PPM1E: variants seen among roughly 807,000 people sequenced by gnomAD.
The protein encoded by PPM1E is protein phosphatase, Mg2+/Mn2+ dependent 1E, also known as protein phosphatase 1E.
In PPM1E, 20 loss-of-function variants were observed where a neutral mutation model predicts 65.9. That is an observed-to-expected ratio of 0.30 (90% CI 0.21 to 0.44). PPM1E has a LOEUF of 0.44. Among genes scored for constraint, PPM1E ranks in the 20% least tolerant of loss-of-function variants. The pLI is 1.00. For synonymous variants in PPM1E, 352 were observed against 374.9 expected (o/e 0.94, Z 0.70); for missense variants, 713 against 953.1 (o/e 0.75, Z 3.32).
chr17:58,976,207 G>A (rs1362086001), intron 6 of PPM1E, among the ~76,000 whole-genome samples: 1 of 152,152 alleles, frequency 6.6e-6, no homozygotes. Context: ...GAGCAGCACA[G>A]GCTCACTGTT....
intron 1 of PPM1E, among the ~76,000 whole-genome samples, chr17:58,813,964 G>A (rs2050393041): frequency 6.6e-6 from 1 of 152,040 alleles, no homozygotes; most frequent in Admixed American, 6.6e-5. Flanking sequence ...TGTGGGAGAG[G>A]GTGGTTGAGG....
chr17:58,846,239 C>T (rs1277968332), intron 1 of PPM1E, among the ~76,000 whole-genome samples: 8 of 151,960 alleles, frequency 5.3e-5, no homozygotes, highest in Admixed American at 5.3e-4. Context: ...AACCGTTTTC[C>T]ACAGTGGTTG....
intron 1 of PPM1E, among the ~76,000 whole-genome samples, chr17:58,765,527 G>A (rs969897945): frequency 1.3e-5 from 2 of 152,000 alleles, no homozygotes; most frequent in Admixed American, 6.6e-5. Context: ...TGAGAATATT[G>A]TGAACAATGA....
intron 1 of PPM1E, among the ~76,000 whole-genome samples, chr17:58,796,887 C>A (rs1349473284): frequency 6.6e-6 from 1 of 152,128 alleles, no homozygotes; most frequent in Non-Finnish European, 1.5e-5. Context: ...GGGTGGATCA[C>A]CTGAGGTCAG....
intron 1 of PPM1E, among the ~76,000 whole-genome samples, chr17:58,837,631 G>A (rs921280680): frequency 6.6e-6 from 1 of 151,698 alleles, no homozygotes; most frequent in African/African-American, 2.4e-5. Flanking sequence ...CTGAGTAGCT[G>A]GGATTACAGG....
intron 1 of PPM1E, among the ~76,000 whole-genome samples, chr17:58,934,975 G>A (rs1263962225): frequency 6.6e-6 from 1 of 150,922 alleles, no homozygotes. Context: ...AGACTGGGCC[G>A]GGCGCGGTGG....
chr17:58,904,472 A>G (rs1404269039), intron 1 of PPM1E, among the ~76,000 whole-genome samples: 1 of 152,210 alleles, frequency 6.6e-6, no homozygotes, highest in Non-Finnish European at 1.5e-5. Flanking sequence ...AAAGAATTTG[A>G]AAGTTCTTCT....
intron 1 of PPM1E, among the ~76,000 whole-genome samples, chr17:58,867,588 A>G (rs2051020003): frequency 6.6e-6 from 1 of 152,138 alleles, no homozygotes; most frequent in Non-Finnish European, 1.5e-5. Flanking sequence ...AGCTAAGATA[A>G]TTTTCCTCAT....
intron 1 of PPM1E, among the ~76,000 whole-genome samples, chr17:58,846,542 T>C (rs2050773576): frequency 6.6e-6 from 1 of 152,184 alleles, no homozygotes; most frequent in African/African-American, 2.4e-5. Flanking sequence ...GTCCTTGCAA[T>C]AGTTTGCTCA....
intron 1 of PPM1E, among the ~76,000 whole-genome samples, chr17:58,873,577 T>TTAC (rs2051095600): frequency 1.7e-5 from 1 of 57,620 alleles, no homozygotes; most frequent in South Asian, 6.4e-4. Flanking sequence ...ATTATTATTA[T>TTAC]TATTATTATT....
intron 1 of PPM1E, among the ~76,000 whole-genome samples, chr17:58,860,898 C>T (rs1840991789): frequency 6.6e-6 from 1 of 151,900 alleles, no homozygotes; most frequent in South Asian, 2.1e-4. Context: ...GATCACGCCA[C>T]TGCACTCCAG....
At chr17:58,979,269 G>T (rs966215689) in intron 6 of PPM1E, among the ~76,000 whole-genome samples, 2 of 152,140 alleles carry the variant, frequency 1.3e-5, no homozygotes, top group Non-Finnish European at 2.9e-5. Flanking sequence ...CATACATTTT[G>T]TCTGTTCTCT....
rs140272660 is a variant in PPM1E at position 58,856,853 on chromosome 17, T to C, written c.465-98796T>C. Among the ~76,000 whole-genome samples the C allele has an allele frequency of 5.8e-3, 883 of 152,346 alleles. 5 individuals are homozygous for C. The highest frequency in any genetic ancestry group is 9.5e-3 in the African/African-American group (395 of 41,582). On this transcript the variant is annotated intron_variant, in intron 1 of 6. Coordinates refer to ENST00000308249, the MANE Select transcript of PPM1E (RefSeq NM_014906.5). The stretch of plus-strand genomic sequence containing the variant: ...GTTGTTTAAGTCACCCAGTCTGTGG[T>C]ACTTTGTTATTGCAGCCCTAGCAAA...
intron 1 of PPM1E, among the ~76,000 whole-genome samples, chr17:58,948,523 A>G (rs981623476): frequency 7.9e-5 from 12 of 152,200 alleles, no homozygotes; most frequent in African/African-American, 2.7e-4. Flanking sequence ...CAAAGTGTAT[A>G]CTATATTAGA....
At chr17:58,796,528 C>T (rs1317465147) in intron 1 of PPM1E, among the ~76,000 whole-genome samples, 1 of 152,168 alleles carries the variant, frequency 6.6e-6, no homozygotes, top group Non-Finnish European at 1.5e-5. Flanking sequence ...CCTTGGCCTC[C>T]CAAAATGTTA....
chr17:58,865,077 G>A (rs551878483), intron 1 of PPM1E, among the ~76,000 whole-genome samples: 3 of 152,190 alleles, frequency 2.0e-5, no homozygotes, highest in South Asian at 2.1e-4. Context: ...CTATGAGGGA[G>A]AAGTTGGTCA....
chr17:58,979,344 G>A (rs2031227616), intron 6 of PPM1E, among the ~76,000 whole-genome samples: 1 of 152,172 alleles, frequency 6.6e-6, no homozygotes, highest in East Asian at 1.9e-4. Context: ...CAAGAAAACT[G>A]CATTCAGCTC....
chr17:58,867,073 TG>T (rs1481844420), intron 1 of PPM1E, among the ~76,000 whole-genome samples: 6 of 152,286 alleles, frequency 3.9e-5, no homozygotes, highest in Admixed American at 2.0e-4. Context: ...CTCCATCTCC[TG>T]GGCTCAAGCA....
intron 1 of PPM1E, chr17:58,785,458 T>TTTTATATATA (rs1428055897): frequency 1.1e-5 from 1 of 88,990 alleles, no homozygotes; most frequent in Non-Finnish European, 2.0e-5. Flanking sequence ...CCTGGCTAAT[T>TTTTATATATA]TATATATATA....
Sources: gnomAD v4.1 joint callset for allele counts (sites outside exome capture counted in the v4.1 genomes callset) on GRCh38, gnomAD v4.1.1 for gene constraint, MANE v1.5 for transcripts, NCBI Gene and HGNC (gene_info 2026-07-23, HGNC 2026-07-21) for gene names.